The following HPCAL1 variants were observed in gnomAD, a reference collection of about 807,000 sequenced individuals.
HPCAL1 encodes hippocalcin-like protein 1.
A neutral mutation model predicts 17.1 loss-of-function variants in HPCAL1; 8 were observed. The observed-to-expected ratio is 0.47, with a 90% CI of 0.27 to 0.84. The LOEUF (loss-of-function observed/expected upper bound fraction) is 0.84, where lower values mean the gene tolerates loss of function less well. Among genes scored for constraint, HPCAL1 ranks in the 40% least tolerant of loss-of-function variants. The probability of loss-of-function intolerance (pLI) is 0.13; values close to 1 mark genes in which losing one functional copy is unlikely to be tolerated. For missense variants in HPCAL1, 165 were observed against 271.1 expected (o/e 0.61, Z 2.75); for synonymous variants, 112 against 111.4 (o/e 1.01, Z -0.03).
At position 10,410,436 on chromosome 2, in the gene HPCAL1, CTTT is replaced by C. The variant is rs36002921; in HGVS notation, c.-24-9275_-24-9273del. Among the ~76,000 whole-genome samples, 57 of 77,522 alleles carry C rather than the reference CTTT, an allele frequency of 7.4e-4. 1 individual carries two copies. Among genetic ancestry groups the C allele is most frequent in the East Asian group, 2.6e-3 (6 of 2,320 alleles). 50.9% of individuals were successfully genotyped at this position (77,522 alleles called of 152,430 possible). ...CCTTGTTCCTCTTTTTCTTCTTCTT[CTTT>C]TTTTTTTTTTTTTTTTTTTTTTACA... On this transcript the variant is annotated intron_variant, in intron 2 of 4. Coordinates refer to ENST00000307845, the MANE Select transcript of HPCAL1 (RefSeq NM_002149.4).
Position 10,405,750 on chromosome 2 carries a change from C to T in HPCAL1, c.-25+8830C>T, listed in dbSNP as rs78978004. ...CACAGCCAAGCCAGGGTGGGGGCCT[C>T]GGGCAGGAGCAGCGCCCTGCCAGCT... On this transcript the variant is annotated intron_variant, in intron 2 of 4. Coordinates refer to ENST00000307845, the MANE Select transcript of HPCAL1 (RefSeq NM_002149.4). Among the ~76,000 whole-genome samples, 71 of 152,310 alleles carry T rather than the reference C, an allele frequency of 4.7e-4. No individual in the cohort carries two copies. The East Asian group carries it at 0.012, about 25-fold the overall frequency.
rs567467005 is a variant in HPCAL1, at chr2:10,346,754, T to G, written c.-111+43577T>G. Among the ~76,000 whole-genome samples the G allele has an allele frequency of 1.8e-3, 274 of 152,252 alleles. 2 individuals carry two copies. Among genetic ancestry groups the G allele is most frequent in the Non-Finnish European group, 1.7e-3 (116 of 68,016 alleles). Reference sequence around the variant, plus strand: ...CACCATGATAGTACAAAAACGAGACTGTGAGAGCTTCTCACTTCTCTCCCC... The same window carrying G: ...CACCATGATAGTACAAAAACGAGACGGTGAGAGCTTCTCACTTCTCTCCCC... On this transcript the variant is annotated intron_variant, in intron 1 of 4. Transcript: ENST00000307845.
At chr2:10,324,016 A>T (rs992382463) in intron 1 of HPCAL1, among the ~76,000 whole-genome samples, 2 of 152,260 alleles carry the variant, frequency 1.3e-5, no homozygotes, top group African/African-American at 4.8e-5. Flanking sequence ...GTACTTCAAG[A>T]AAGTCAGTTA....
intron 1 of HPCAL1, among the ~76,000 whole-genome samples, chr2:10,311,838 A>G (rs1304094990): frequency 6.6e-6 from 1 of 151,606 alleles, no homozygotes; most frequent in Non-Finnish European, 1.5e-5. Context: ...CTCCATCACC[A>G]TCATCATCAT....
intron 1 of HPCAL1, among the ~76,000 whole-genome samples, chr2:10,388,839 T>G (rs537599245): frequency 3.3e-5 from 5 of 152,284 alleles, no homozygotes; most frequent in South Asian, 2.1e-4. Flanking sequence ...ACCCATTGTG[T>G]GTGTGCCCCC....
At chr2:10,399,228 A>ACCGCCGCTG (rs1669280109) in intron 2 of HPCAL1, among the ~76,000 whole-genome samples, 1 of 116,940 alleles carries the variant, frequency 8.6e-6, no homozygotes, top group Non-Finnish European at 1.9e-5. Flanking sequence ...CACCACCACC[A>ACCGCCGCTG]CCACCACCAC....
rs1319091690 is a variant in HPCAL1, at chr2:10,330,952, G to A, written c.-111+27775G>A. 6.6e-6 allele frequency among the ~76,000 whole-genome samples: 1 copy of A among 152,174 alleles called. No individual in the cohort carries two copies. Among genetic ancestry groups the A allele is most frequent in the Non-Finnish European group, 1.5e-5 (1 of 68,032 alleles). On this transcript the variant is annotated intron_variant, in intron 1 of 4. Transcript: ENST00000307845. This position sits in a 1 kb window ranked among gnomAD's most constrained non-coding sequence, Gnocchi z 4.2. ...TGCAGCAAGCCCACCCCTGCATTCG[G>A]AGAGCCTTAGCGGGAAGCCTGTTGC...
At chr2:10,334,748 C>T (rs1344950579) in intron 1 of HPCAL1, among the ~76,000 whole-genome samples, 2 of 146,602 alleles carry the variant, frequency 1.4e-5, no homozygotes, top group Non-Finnish European at 3.0e-5. Flanking sequence ...TGCAGTGGCA[C>T]GATCTCGGCT....
intron 1 of HPCAL1, among the ~76,000 whole-genome samples, chr2:10,376,230 A>G (rs1667549859): frequency 6.6e-6 from 1 of 152,218 alleles, no homozygotes; most frequent in Non-Finnish European, 1.5e-5. Flanking sequence ...TAAATTCCCC[A>G]GTCTCAGGTA....
At chr2:10,329,574 A>G (rs1664228149) in intron 1 of HPCAL1, among the ~76,000 whole-genome samples, 1 of 152,264 alleles carries the variant, frequency 6.6e-6, no homozygotes, top group South Asian at 2.1e-4. Flanking sequence ...CTACTGACAC[A>G]GTCTCCGTGG....
intron 3 of HPCAL1, 74 bp downstream of exon 3, chr2:10,420,209 C>CTCTTT (rs1670970923): frequency 7.0e-6 from 4 of 572,010 alleles, no homozygotes; most frequent in Non-Finnish European, 1.0e-5. Context: ...CAGCCCAGGG[C>CTCTTT]TTTTTTTTTT....
chr2:10,349,275 C>T (rs190117889), intron 1 of HPCAL1, among the ~76,000 whole-genome samples: 155 of 152,130 alleles, frequency 1.0e-3, no homozygotes, highest in Non-Finnish European at 1.6e-3. Flanking sequence ...AAGAAGGAGA[C>T]AAAAAATAAT....
At chr2:10,391,268 C>T (rs913381490) in intron 1 of HPCAL1, among the ~76,000 whole-genome samples, 4 of 152,166 alleles carry the variant, frequency 2.6e-5, no homozygotes, top group Non-Finnish European at 4.4e-5. Flanking sequence ...CCATCCATCC[C>T]TTCCCCTCTG....
intron 1 of HPCAL1, among the ~76,000 whole-genome samples, 166 bp downstream of exon 1, chr2:10,303,343 G>A (rs1662387098): frequency 6.6e-6 from 1 of 152,196 alleles, no homozygotes. Context: ...TGGAGTTGTG[G>A]GTGACTGCGG....
In HPCAL1 at chr2:10,346,279, A is replaced by G. The variant is rs556855706; in HGVS notation, c.-111+43102A>G. 7.2e-5 allele frequency among the ~76,000 whole-genome samples: 11 copies of G among 152,050 alleles called. No homozygotes were observed. The South Asian group carries it at 2.3e-3, about 32-fold the overall frequency. On this transcript the variant is annotated intron_variant, in intron 1 of 4. Transcript: ENST00000307845. ...TGGGGGCCATGGGGAGCCTCCTGGT[A>G]TTCTGTCTCGAGGCTCTGGGGATAT... is the stretch of plus-strand genomic sequence containing the variant.
intron 1 of HPCAL1, among the ~76,000 whole-genome samples, chr2:10,337,887 C>T (rs1248163855): frequency 6.6e-6 from 1 of 152,136 alleles, no homozygotes; most frequent in Non-Finnish European, 1.5e-5. Flanking sequence ...CCGAGCCTGC[C>T]CTCTGAGGAT....
chr2:10,334,518 AAAAAG>A (rs942644496), intron 1 of HPCAL1, among the ~76,000 whole-genome samples: 13 of 151,856 alleles, frequency 8.6e-5, no homozygotes, highest in Non-Finnish European at 7.4e-5. Context: ...GTCTTTAAAA[AAAAAG>A]AAAAGAAAAC....
At chr2:10,398,161 C>A (rs1669180311) in intron 2 of HPCAL1, among the ~76,000 whole-genome samples, 1 of 152,184 alleles carries the variant, frequency 6.6e-6, no homozygotes. Flanking sequence ...GGTCAGCTGT[C>A]ATAGGCTCCC....
rs1671477653 is a variant in HPCAL1, at chr2:10,427,241, C to T, written c.*420C>T. ...GGCGTCGGGAGGGTATACAGGGAGCCCCTCCCGTGCATGGCTGCCCCCCCG... is the reference window on the plus strand; with the variant it reads ...GGCGTCGGGAGGGTATACAGGGAGCTCCTCCCGTGCATGGCTGCCCCCCCG... On this transcript the variant is annotated 3_prime_UTR_variant, in exon 5 of 5. Coordinates refer to ENST00000307845, the MANE Select transcript of HPCAL1 (RefSeq NM_002149.4). The T allele has an allele frequency of 5.3e-6, 1 of 186,962 alleles. No homozygotes were observed. Among genetic ancestry groups the T allele is most frequent in the Admixed American group, 5.7e-5 (1 of 17,572 alleles). 11.6% of individuals were successfully genotyped at this position (186,962 alleles called of 1,614,324 possible). A position where few individuals can be genotyped will look rare whatever the true frequency, so the allele number is the denominator to read the frequency against.
Sources: gnomAD v4.1 joint callset for allele counts (sites outside exome capture counted in the v4.1 genomes callset) on GRCh38, gnomAD v4.1.1 for gene constraint, Gnocchi (gnomAD v3.1) non-coding constraint, MANE v1.5 for transcripts, NCBI Gene and HGNC (gene_info 2026-07-23, HGNC 2026-07-21) for gene names.